DLG2: variants seen among roughly 807,000 people sequenced by gnomAD.
DLG2 encodes the protein disks large homolog 2.
A neutral mutation model predicts 132.5 loss-of-function variants in DLG2; 45 were observed. The observed-to-expected ratio is 0.34, with a 90% CI of 0.27 to 0.44. DLG2 has a LOEUF of 0.44. DLG2 is among the 20% of genes least tolerant of loss of function. The probability of loss-of-function intolerance (pLI) is 1.00; values close to 1 mark genes in which losing one functional copy is unlikely to be tolerated. For synonymous variants in DLG2, 424 were observed against 419.6 expected (o/e 1.01, Z -0.13); for missense variants, 1,045 against 1,196.9 (o/e 0.87, Z 1.87).
chr11:84,491,426 G>A (rs1025311748), intron 7 of DLG2, among the ~76,000 whole-genome samples: 1 of 152,074 alleles, frequency 6.6e-6, no homozygotes, highest in African/African-American at 2.4e-5. Flanking sequence ...AGGTAGAACT[G>A]TAAGTCAAAT....
intron 15 of DLG2, among the ~76,000 whole-genome samples, chr11:83,914,320 A>T (rs1466112814): frequency 6.6e-6 from 1 of 152,120 alleles, no homozygotes; most frequent in African/African-American, 2.4e-5. Context: ...CCTCTGCTAG[A>T]AGCAGATGCT....
chr11:84,865,474 A>G (rs2084406011), intron 6 of DLG2, among the ~76,000 whole-genome samples: 1 of 152,218 alleles, frequency 6.6e-6, no homozygotes, highest in Admixed American at 6.5e-5. Context: ...TATGTCCATC[A>G]GTGACTCAGA....
chr11:85,180,365 C>A (rs1277387996), intron 4 of DLG2, among the ~76,000 whole-genome samples: 1 of 151,604 alleles, frequency 6.6e-6, no homozygotes, highest in Non-Finnish European at 1.5e-5. Flanking sequence ...TTTAATGAGC[C>A]TTGTACAGTG....
chr11:84,206,055 C>T (rs777591252), intron 8 of DLG2, among the ~76,000 whole-genome samples: 2 of 152,004 alleles, frequency 1.3e-5, no homozygotes, highest in Non-Finnish European at 2.9e-5. Flanking sequence ...ATCAACATTT[C>T]TATGCTAGTA....
intron 6 of DLG2, among the ~76,000 whole-genome samples, chr11:84,983,292 C>G (rs760373298): frequency 5.9e-5 from 9 of 152,060 alleles, no homozygotes; most frequent in Non-Finnish European, 1.0e-4. Flanking sequence ...GCTGAGAGAC[C>G]CACAGACGGT....
intron 3 of DLG2, among the ~76,000 whole-genome samples, chr11:85,534,240 G>A (rs544250138): frequency 3.9e-5 from 6 of 151,950 alleles, no homozygotes; most frequent in African/African-American, 7.3e-5. Context: ...TGAAAGGTGC[G>A]CCTGGTCTAC....
At chr11:85,606,418 C>T (rs947223599) in intron 2 of DLG2, among the ~76,000 whole-genome samples, 2 of 152,090 alleles carry the variant, frequency 1.3e-5, no homozygotes, top group African/African-American at 4.8e-5. Flanking sequence ...CCAATCAGTG[C>T]TCTGTGTCTA....
chr11:84,423,000 A>C (rs1457252771), intron 7 of DLG2, among the ~76,000 whole-genome samples: 2 of 152,210 alleles, frequency 1.3e-5, no homozygotes, highest in Non-Finnish European at 2.9e-5. Context: ...AAGATTTATA[A>C]GTATTTCTGA....
intron 22 of DLG2, among the ~76,000 whole-genome samples, chr11:83,483,692 G>T (rs1423710333): frequency 1.3e-5 from 2 of 152,116 alleles, no homozygotes; most frequent in Non-Finnish European, 2.9e-5. Flanking sequence ...TAGTGTTTTG[G>T]GGGAGGGAAA....
At chr11:83,983,545 A>T (rs2092987728) in intron 11 of DLG2, among the ~76,000 whole-genome samples, 1 of 152,098 alleles carries the variant, frequency 6.6e-6, no homozygotes, top group South Asian at 2.1e-4. Context: ...TGGCATAGTA[A>T]ATTATAAAGC....
chr11:84,606,439 T>C (rs2154535831), intron 6 of DLG2, among the ~76,000 whole-genome samples: 1 of 152,280 alleles, frequency 6.6e-6, no homozygotes, highest in East Asian at 1.9e-4. Context: ...GGTGGACCTC[T>C]TCTAAATATT....
At chr11:85,389,784 T>C (rs1401526189) in intron 3 of DLG2, among the ~76,000 whole-genome samples, 1 of 152,150 alleles carries the variant, frequency 6.6e-6, no homozygotes, top group Non-Finnish European at 1.5e-5. Context: ...GAAGGAAAGA[T>C]ACAGTCTTTT....
At chr11:84,594,010 G>T (rs992691179) in intron 6 of DLG2, among the ~76,000 whole-genome samples, 1 of 152,072 alleles carries the variant, frequency 6.6e-6, no homozygotes, top group African/African-American at 2.4e-5. Flanking sequence ...CCCAAGAAAT[G>T]CCAATACATT....
rs1328297472 is a variant in DLG2 at position 83,499,491 on chromosome 11, A to G, written c.2194-15263T>C. Among the ~76,000 whole-genome samples, 4 of 152,070 alleles carry G rather than the reference A, an allele frequency of 2.6e-5. No homozygotes were observed. In the East Asian group the frequency reaches 7.7e-4, roughly 29 times the overall value. ...AGTTTAAAAGTTTTGACACACTGCC[A>G]AATTGCTTTCAAATAATCTGTACGA... On this transcript the variant is annotated intron_variant, in intron 21 of 27. Transcript: ENST00000376104.
chr11:84,022,494 A>T (rs1004091224), intron 11 of DLG2, among the ~76,000 whole-genome samples: 3 of 152,174 alleles, frequency 2.0e-5, no homozygotes, highest in African/African-American at 7.2e-5. Context: ...CTTCTATAGA[A>T]ACAAAAGCCT....
intron 6 of DLG2, among the ~76,000 whole-genome samples, chr11:84,929,046 A>AG (rs1176483403): frequency 7.7e-6 from 1 of 129,478 alleles, no homozygotes; most frequent in Non-Finnish European, 1.6e-5. Flanking sequence ...GCCTAGGGGT[A>AG]GGGGTATTCT....
chr11:85,046,272 T>C (rs1180152562), intron 6 of DLG2, among the ~76,000 whole-genome samples: 1 of 152,044 alleles, frequency 6.6e-6, no homozygotes, highest in Non-Finnish European at 1.5e-5. Context: ...CTCAGCAGTA[T>C]ATCAACAGCT....
chr11:85,085,135 A>C (rs2067750127), intron 6 of DLG2, among the ~76,000 whole-genome samples: 1 of 152,162 alleles, frequency 6.6e-6, no homozygotes, highest in Non-Finnish European at 1.5e-5. Context: ...ACAGAATAAA[A>C]ATTACAATTT....
intron 6 of DLG2, among the ~76,000 whole-genome samples, chr11:84,750,292 G>A (rs1027963784): frequency 2.0e-5 from 3 of 152,012 alleles, no homozygotes; most frequent in Non-Finnish European, 2.9e-5. Flanking sequence ...GCATCCATGA[G>A]CTCTTCTTCC....
Sources: gnomAD v4.1 joint callset for allele counts (sites outside exome capture counted in the v4.1 genomes callset) on GRCh38, gnomAD v4.1.1 for gene constraint, MANE v1.5 for transcripts, NCBI Gene and HGNC (gene_info 2026-07-23, HGNC 2026-07-21) for gene names.